Variants in DAB1 observed in about 807,000 individuals in gnomAD.
The protein encoded by DAB1 is DAB adaptor protein 1.
A neutral mutation model predicts 64.6 loss-of-function variants in DAB1; 15 were observed. The ratio of observed to expected loss-of-function variants is 0.23; its 90% CI spans 0.16 to 0.36. The LOEUF is 0.36. Ranked by LOEUF, DAB1 falls within the 10% of genes least tolerant of loss-of-function variation. The pLI, the probability that DAB1 is intolerant of heterozygous loss-of-function variation, is 1.00. For missense variants in DAB1, 596 were observed against 706.7 expected, an observed-to-expected ratio of 0.84 and a Z score of 1.78; for synonymous variants, 235 against 251.9, an observed-to-expected ratio of 0.93 and a Z score of 0.64.
At chr1:58,185,852 T>C (rs140377132) in intron 4 of DAB1, among the ~76,000 whole-genome samples, 42 of 152,336 alleles carry the variant, frequency 2.8e-4, no homozygotes, top group African/African-American at 8.7e-4. Flanking sequence ...GGGCAAGTCA[T>C]TGAGTTTCTC....
intron 5 of DAB1, among the ~76,000 whole-genome samples, chr1:58,076,170 T>C (rs1331774787): frequency 6.6e-6 from 1 of 152,212 alleles, no homozygotes; most frequent in Non-Finnish European, 1.5e-5. Flanking sequence ...AAGATCCTTC[T>C]GTGATGGTGA....
chr1:57,066,754 TCTC>T (rs1188250986), intron 8 of DAB1, among the ~76,000 whole-genome samples: 2 of 152,136 alleles, frequency 1.3e-5, no homozygotes, highest in African/African-American at 4.8e-5. Context: ...AACCAACTGC[TCTC>T]CTCCTCGTTT....
intron 5 of DAB1, among the ~76,000 whole-genome samples, chr1:58,134,367 T>C (rs539224130): frequency 1.0e-3 from 157 of 152,294 alleles, no homozygotes; most frequent in African/African-American, 3.6e-3. Flanking sequence ...CAATCCCATA[T>C]ATGAGGAAAG....
At chr1:57,760,621 CACACACA>C (rs1557465339) in intron 6 of DAB1, among the ~76,000 whole-genome samples, 1,898 of 47,500 alleles carry the variant, frequency 0.04, 42 homozygotes, top group African/African-American at 0.16. Flanking sequence ...CTCTCTCTCT[CACACACA>C]CACACACACA....
intron 3 of DAB1, among the ~76,000 whole-genome samples, chr1:58,489,829 C>G (rs1319609941): frequency 6.6e-6 from 1 of 152,200 alleles, no homozygotes; most frequent in East Asian, 1.9e-4. Flanking sequence ...TCCAGGCAAA[C>G]AGGGTCTGGA....
chr1:57,503,626 C>T (rs1644314535), intron 7 of DAB1, among the ~76,000 whole-genome samples: 1 of 152,254 alleles, frequency 6.6e-6, no homozygotes, highest in Non-Finnish European at 1.5e-5. Context: ...CTCAACTCTA[C>T]TCATGCCCTG....
At chr1:58,464,221 G>A (rs1049857621) in intron 3 of DAB1, among the ~76,000 whole-genome samples, 6 of 152,206 alleles carry the variant, frequency 3.9e-5, no homozygotes, top group African/African-American at 1.4e-4. Context: ...GCTATACCAT[G>A]TGTATGCATG....
chr1:58,470,261 C>T (rs371546794), intron 3 of DAB1, among the ~76,000 whole-genome samples: 2 of 151,928 alleles, frequency 1.3e-5, no homozygotes, highest in African/African-American at 4.8e-5. Context: ...GCAACCTCTG[C>T]CTCACAGGTT....
At chr1:57,994,727 G>A (rs929665005) in intron 5 of DAB1, among the ~76,000 whole-genome samples, 6 of 152,124 alleles carry the variant, frequency 3.9e-5, no homozygotes, top group Admixed American at 2.6e-4. Context: ...TGTGGGTAGC[G>A]GACTGACTGG....
chr1:57,248,878 C>T (rs911307247), intron 2 of DAB1, among the ~76,000 whole-genome samples: 1 of 152,198 alleles, frequency 6.6e-6, no homozygotes, highest in African/African-American at 2.4e-5. Flanking sequence ...TCCTCCTCCT[C>T]ATGAGATCCA....
intron 7 of DAB1, among the ~76,000 whole-genome samples, chr1:57,430,059 T>C (rs1277496669): frequency 1.3e-5 from 2 of 152,364 alleles, no homozygotes; most frequent in Admixed American, 1.3e-4. Flanking sequence ...ATATTGAATC[T>C]ATCAATTGCT....
At chr1:57,299,350 A>G (rs1443589265) in intron 1 of DAB1, among the ~76,000 whole-genome samples, 2 of 152,232 alleles carry the variant, frequency 1.3e-5, no homozygotes, top group Non-Finnish European at 2.9e-5. Context: ...ATAAAATGCT[A>G]TGTTCCAGAA....
intron 5 of DAB1, among the ~76,000 whole-genome samples, chr1:57,994,320 A>C (rs1646393431): frequency 1.3e-5 from 2 of 152,220 alleles, no homozygotes; most frequent in African/African-American, 4.8e-5. Context: ...AGAATCTGAG[A>C]TCAGAGACCT....
chr1:57,380,996 T>A (rs1360620847), intron 1 of DAB1, among the ~76,000 whole-genome samples: 1 of 152,160 alleles, frequency 6.6e-6, no homozygotes, highest in African/African-American at 2.4e-5. Flanking sequence ...AAAATATTGG[T>A]AAGACTTCCA....
At chr1:58,113,435 C>T (rs550135658) in intron 5 of DAB1, among the ~76,000 whole-genome samples, 51 of 152,256 alleles carry the variant, frequency 3.3e-4, no homozygotes, top group African/African-American at 1.1e-3. Context: ...TAGCAAACTT[C>T]GGATTCCTCC....
intron 6 of DAB1, among the ~76,000 whole-genome samples, chr1:57,714,915 A>T (rs913734156): frequency 4.1e-4 from 63 of 152,154 alleles, no homozygotes; most frequent in Admixed American, 4.1e-3. Context: ...GTTAAAGAAC[A>T]TTTGGAAATA....
chr1:57,918,027 C>T (rs944577480), intron 5 of DAB1, among the ~76,000 whole-genome samples: 11 of 151,448 alleles, frequency 7.3e-5, no homozygotes, highest in African/African-American at 2.2e-4. Context: ...GAGATTGCAC[C>T]ACTGCACTCC....
intron 3 of DAB1, among the ~76,000 whole-genome samples, chr1:58,466,286 C>T (rs1187987495): frequency 6.6e-6 from 1 of 152,154 alleles, no homozygotes; most frequent in African/African-American, 2.4e-5. Flanking sequence ...CCCTCCCTCC[C>T]CTCCCTTGCT....
rs373320599 is a variant in DAB1 at position 57,750,342 on chromosome 1, C to G, written n.552-100677G>C. On this transcript the variant is annotated intron_variant and non_coding_transcript_variant, in intron 6 of 20. Coordinates refer to the DAB1 transcript ENST00000485760. Reference sequence around the variant, plus strand: ...TCTCAAAGAGCAGGAAAGACCCCATCAGTGAGCTTTGTTACAGACATTTTG... The same window carrying G: ...TCTCAAAGAGCAGGAAAGACCCCATGAGTGAGCTTTGTTACAGACATTTTG... Among the ~76,000 whole-genome samples, 3 of 152,270 alleles carry G rather than the reference C, an allele frequency of 2.0e-5. No homozygotes were observed. The East Asian group carries it at 5.8e-4, about 29-fold the overall frequency.
Sources: gnomAD v4.1 joint callset for allele counts (sites outside exome capture counted in the v4.1 genomes callset) on GRCh38, gnomAD v4.1.1 for gene constraint, MANE v1.5 for transcripts, NCBI Gene and HGNC (gene_info 2026-07-23, HGNC 2026-07-21) for gene names.